DOCK1: variants seen among roughly 807,000 people sequenced by gnomAD.
The protein encoded by DOCK1 is dedicator of cytokinesis 1.
DOCK1 carries 138 observed loss-of-function variants against 262.7 expected under a neutral mutation model. The observed-to-expected ratio is 0.53, with a 90% CI of 0.46 to 0.61. The LOEUF (loss-of-function observed/expected upper bound fraction) is 0.61. Ranked by LOEUF, DOCK1 falls within the 20% of genes least tolerant of loss-of-function variation. DOCK1 has a pLI of 0.00. For synonymous variants in DOCK1, 866 were observed against 867.4 expected (o/e 1.00, Z 0.03); for missense variants, 1,908 against 2,370.7 (o/e 0.80, Z 4.05).
intron 31 of DOCK1, among the ~76,000 whole-genome samples, chr10:127,345,757 C>G (rs1237897213): frequency 2.0e-5 from 3 of 152,176 alleles, no homozygotes; most frequent in Non-Finnish European, 4.4e-5. Context: ...AGACAGACTT[C>G]TCCAGGCTGC....
chr10:127,262,774 C>T (rs187212436), intron 29 of DOCK1, among the ~76,000 whole-genome samples: 23 of 152,328 alleles, frequency 1.5e-4, no homozygotes, highest in African/African-American at 5.5e-4. Flanking sequence ...AGTGAGCTAA[C>T]ATTGGGCATG....
chr10:127,171,190 A>G (rs2054539148), intron 27 of DOCK1, among the ~76,000 whole-genome samples: 2 of 152,192 alleles, frequency 1.3e-5, no homozygotes, highest in Non-Finnish European at 2.9e-5. Flanking sequence ...AAATCTACAT[A>G]AGCAAATGAA....
chr10:127,146,145 C>T (rs556171590), intron 27 of DOCK1: 13 of 458,804 alleles, frequency 2.8e-5, no homozygotes, highest in East Asian at 1.9e-4. Context: ...AAACTGACAG[C>T]GTAGTCCCCT....
At chr10:126,977,090 A>G (rs1410404018) in intron 2 of DOCK1, among the ~76,000 whole-genome samples, 1 of 152,124 alleles carries the variant, frequency 6.6e-6, no homozygotes, top group Non-Finnish European at 1.5e-5. Context: ...TGACTTCAGA[A>G]TGTTTGGGAG....
chr10:127,000,592 G>T, intron 10 of DOCK1: 1 of 339,144 alleles, frequency 2.9e-6, no homozygotes, highest in Non-Finnish European at 5.4e-6. Flanking sequence ...CAGTCTGTAG[G>T]GAAGCCAGTC....
chr10:127,261,510 T>C (rs2060115311), intron 29 of DOCK1, among the ~76,000 whole-genome samples: 1 of 142,562 alleles, frequency 7.0e-6, no homozygotes, highest in African/African-American at 2.7e-5. Context: ...CATGTGGGTG[T>C]GTGTGTACCT....
In DOCK1 at chr10:127,042,392, C is replaced by G. The variant is rs115728524; in HGVS notation, c.2011-233C>G. Reference sequence around the variant, plus strand: ...CCCCCTGGGGGAAGCAGTAGGCCCTCTCCTTGCTTTGACCCTCTCCATTTA... The same window carrying G: ...CCCCCTGGGGGAAGCAGTAGGCCCTGTCCTTGCTTTGACCCTCTCCATTTA... On this transcript the variant is annotated intron_variant, in intron 19 of 51. Coordinates refer to ENST00000623213, the MANE Select transcript of DOCK1 (RefSeq NM_001290223.2). 9.1e-3 allele frequency among the ~76,000 whole-genome samples: 1,390 copies of G among 152,342 alleles called. 16 individuals are homozygous for G. The highest frequency in any genetic ancestry group is 0.03 in the African/African-American group (1,241 of 41,578).
At chr10:127,413,375 C>G (rs2067972467) in intron 43 of DOCK1, among the ~76,000 whole-genome samples, 1 of 152,212 alleles carries the variant, frequency 6.6e-6, no homozygotes, top group Non-Finnish European at 1.5e-5. Flanking sequence ...TGTTCGGAAG[C>G]TGCAGGATTT....
intron 27 of DOCK1, among the ~76,000 whole-genome samples, chr10:127,241,336 T>A (rs1399773650): frequency 1.3e-5 from 2 of 152,092 alleles, no homozygotes; most frequent in Non-Finnish European, 2.9e-5. Context: ...ATAACAATAA[T>A]AATTATTATT....
At chr10:127,311,330 C>A (rs2062055132) in intron 29 of DOCK1, among the ~76,000 whole-genome samples, 1 of 152,132 alleles carries the variant, frequency 6.6e-6, no homozygotes, top group African/African-American at 2.4e-5. Context: ...GTAGAAGGGA[C>A]CTGCAGAAAT....
chr10:127,019,080 G>C (rs1327633569), intron 13 of DOCK1: 2 of 507,832 alleles, frequency 3.9e-6, no homozygotes, highest in South Asian at 3.6e-5. Flanking sequence ...TTGTGTGAGG[G>C]GGGCGTGGGC....
At chr10:127,408,746 C>T (rs956081242) in intron 40 of DOCK1, among the ~76,000 whole-genome samples, 2 of 152,156 alleles carry the variant, frequency 1.3e-5, no homozygotes, top group African/African-American at 2.4e-5. Flanking sequence ...TTTGGTTTTT[C>T]ATATAGTTTT....
At chr10:127,009,895 T>C (rs1374629088) in intron 11 of DOCK1, among the ~76,000 whole-genome samples, 1 of 152,076 alleles carries the variant, frequency 6.6e-6, no homozygotes, top group Non-Finnish European at 1.5e-5. Flanking sequence ...GGGTCTTGAG[T>C]GCCACTGGCT....
At chr10:127,250,172 T>C (rs1161296301) in intron 28 of DOCK1, among the ~76,000 whole-genome samples, 1 of 152,242 alleles carries the variant, frequency 6.6e-6, no homozygotes, top group Non-Finnish European at 1.5e-5. Flanking sequence ...ATTACTCACC[T>C]GGAAAAGTCA....
At chr10:127,170,769 C>T (rs1341331245) in intron 27 of DOCK1, among the ~76,000 whole-genome samples, 1 of 152,200 alleles carries the variant, frequency 6.6e-6, no homozygotes, top group Non-Finnish European at 1.5e-5. Flanking sequence ...CCTTCAATGA[C>T]TCCCATTAGT....
At chr10:126,997,525 A>G (rs75906477) in intron 7 of DOCK1, among the ~76,000 whole-genome samples, 2,537 of 152,128 alleles carry the variant, frequency 0.017, 80 homozygotes, top group African/African-American at 0.058. Context: ...CTACACTTTT[A>G]AACGACGAGA....
At chr10:127,342,103 GCTGCTGCTGCTGTTGTTGTTA>G (rs1289861701) in intron 30 of DOCK1, among the ~76,000 whole-genome samples, 3 of 108,796 alleles carry the variant, frequency 2.8e-5, no homozygotes, top group East Asian at 3.4e-4. Flanking sequence ...TGTTGCTGCT[GCTGCTGCTGCTGTTGTTGTTA>G]AAGGGAGCAG....
intron 23 of DOCK1, among the ~76,000 whole-genome samples, chr10:127,085,094 G>T (rs1194996047): frequency 6.6e-6 from 1 of 152,084 alleles, no homozygotes; most frequent in East Asian, 1.9e-4. Flanking sequence ...AGAAGCCTTG[G>T]GCCTGGAATT....
intron 1 of DOCK1, among the ~76,000 whole-genome samples, chr10:126,918,608 T>C (rs2032792539): frequency 6.6e-6 from 1 of 152,176 alleles, no homozygotes; most frequent in Admixed American, 6.5e-5. Flanking sequence ...GCTCTGTATG[T>C]TCTTCAGATG....
Sources: allele counts gnomAD v4.1 joint callset (sites outside exome capture counted in the v4.1 genomes callset), GRCh38; gene constraint gnomAD v4.1.1; transcripts MANE v1.5; gene names NCBI Gene and HGNC (gene_info 2026-07-23, HGNC 2026-07-21).